GPC5: variants seen among roughly 807,000 people sequenced by gnomAD.
The protein encoded by GPC5 is glypican 5.
GPC5 carries 47 observed loss-of-function variants against 53.9 expected under a neutral mutation model. The ratio of observed to expected loss-of-function variants is 0.87; its 90% CI spans 0.69 to 1.11. The LOEUF (loss-of-function observed/expected upper bound fraction) is 1.11. Among genes scored for constraint, GPC5 ranks in the 50% most tolerant of loss-of-function variants. GPC5 has a pLI of 0.00. For synonymous variants in GPC5, 286 were observed against 263.3 expected, an observed-to-expected ratio of 1.09 and a Z score of -0.84; for missense variants, 748 against 713.1, an observed-to-expected ratio of 1.05 and a Z score of -0.56.
intron 7 of GPC5, among the ~76,000 whole-genome samples, chr13:92,470,960 G>A (rs966332173): frequency 6.6e-6 from 1 of 152,096 alleles, no homozygotes; most frequent in African/African-American, 2.4e-5. Context: ...AGGGAGACAG[G>A]TTTGGGAATG....
At chr13:91,421,264 T>A (rs1421781720) in intron 1 of GPC5, among the ~76,000 whole-genome samples, 1 of 152,154 alleles carries the variant, frequency 6.6e-6, no homozygotes, top group Non-Finnish European at 1.5e-5. Context: ...TCTCTAAAGG[T>A]TATAAAGAAC....
chr13:92,648,954 A>G (rs941986477), intron 7 of GPC5, among the ~76,000 whole-genome samples: 1 of 152,132 alleles, frequency 6.6e-6, no homozygotes, highest in Non-Finnish European at 1.5e-5. Context: ...AGAGGATATA[A>G]GTATGTATAA....
chr13:92,385,437 CATATAT>C (rs796970443), intron 7 of GPC5, among the ~76,000 whole-genome samples: 14 of 64,054 alleles, frequency 2.2e-4, no homozygotes, highest in South Asian at 1.7e-3. Context: ...TACATATATA[CATATAT>C]ACATATATAC....
chr13:91,652,775 T>G (rs979560910), intron 2 of GPC5, among the ~76,000 whole-genome samples: 3 of 152,202 alleles, frequency 2.0e-5, no homozygotes, highest in African/African-American at 7.2e-5. Context: ...CTACTATAGT[T>G]TGGTCAACTT....
At chr13:91,434,024 C>T (rs904399325) in intron 1 of GPC5, among the ~76,000 whole-genome samples, 24 of 152,180 alleles carry the variant, frequency 1.6e-4, no homozygotes, top group Non-Finnish European at 2.9e-4. Context: ...TGTTCATATC[C>T]TTTGCCCACT....
chr13:91,877,032 G>C (rs980518074), intron 5 of GPC5, among the ~76,000 whole-genome samples: 1 of 152,202 alleles, frequency 6.6e-6, no homozygotes, highest in Non-Finnish European at 1.5e-5. Context: ...GCAGCTTCCA[G>C]ATGTTGAGCC....
intron 7 of GPC5, among the ~76,000 whole-genome samples, chr13:92,372,463 TATG>T (rs2043658666): frequency 6.6e-6 from 1 of 152,236 alleles, no homozygotes; most frequent in Non-Finnish European, 1.5e-5. Flanking sequence ...ATACTCTTTT[TATG>T]ATATCAGTGA....
intron 7 of GPC5, among the ~76,000 whole-genome samples, chr13:92,860,361 T>C (rs548640725): frequency 6.2e-4 from 94 of 152,224 alleles, no homozygotes; most frequent in South Asian, 1.9e-3. Flanking sequence ...TCTTTAGCCA[T>C]ACAGTCACTC....
At chr13:91,565,742 C>T (rs2031498587) in intron 2 of GPC5, among the ~76,000 whole-genome samples, 1 of 152,162 alleles carries the variant, frequency 6.6e-6, no homozygotes, top group Non-Finnish European at 1.5e-5. Context: ...TTTCCTAGAA[C>T]TGCCATAACA....
At chr13:91,885,220 G>C (rs886808594) in intron 5 of GPC5, among the ~76,000 whole-genome samples, 2 of 151,976 alleles carry the variant, frequency 1.3e-5, no homozygotes, top group Admixed American at 1.3e-4. Flanking sequence ...CCGTCTCTTT[G>C]TATTTGGGTA....
intron 7 of GPC5, among the ~76,000 whole-genome samples, chr13:92,164,399 G>A (rs1434789086): frequency 2.0e-5 from 3 of 152,088 alleles, no homozygotes; most frequent in Non-Finnish European, 2.9e-5. Context: ...CAAAATGAAG[G>A]GGCTGCAGTT....
chr13:91,653,045 G>A (rs1308701525), intron 2 of GPC5, among the ~76,000 whole-genome samples: 10 of 152,226 alleles, frequency 6.6e-5, no homozygotes, highest in East Asian at 5.8e-4. Context: ...ATTTCTACTC[G>A]TTGTCTTGCA....
chr13:92,664,465 G>C (rs1397966572), intron 7 of GPC5, among the ~76,000 whole-genome samples: 1 of 150,610 alleles, frequency 6.6e-6, no homozygotes, highest in Non-Finnish European at 1.5e-5. Context: ...TATCCATGTT[G>C]ACAATACATT....
At chr13:92,162,704 G>T (rs2041998645) in intron 7 of GPC5, among the ~76,000 whole-genome samples, 2 of 152,192 alleles carry the variant, frequency 1.3e-5, no homozygotes, top group Admixed American at 1.3e-4. Flanking sequence ...GCCAACTCAT[G>T]TATTAAAACC....
chr13:92,161,878 T>C (rs1192335007), intron 7 of GPC5, among the ~76,000 whole-genome samples: 1 of 149,428 alleles, frequency 6.7e-6, no homozygotes, highest in African/African-American at 2.4e-5. Flanking sequence ...GTTCCTTTAA[T>C]TTCTTTATAA....
At chr13:92,724,875 T>TACACACACACACACACACAC (rs58824655) in intron 7 of GPC5, among the ~76,000 whole-genome samples, 41 of 137,746 alleles carry the variant, frequency 3.0e-4, no homozygotes, top group Middle Eastern at 3.7e-3. Flanking sequence ...GTCCTACACA[T>TACACACACACACACACACAC]ACACACACAC....
intron 7 of GPC5, among the ~76,000 whole-genome samples, chr13:92,622,472 T>C (rs1286139456): frequency 6.6e-6 from 1 of 152,190 alleles, no homozygotes; most frequent in Non-Finnish European, 1.5e-5. Flanking sequence ...TGTTCCCTAC[T>C]AGGACCTCGA....
At chr13:92,325,884 T>C (rs1683702177) in intron 7 of GPC5, among the ~76,000 whole-genome samples, 1 of 152,072 alleles carries the variant, frequency 6.6e-6, no homozygotes, top group African/African-American at 2.4e-5. Context: ...GGCCTCACTA[T>C]ACTTTTGGGA....
At chr13:92,052,439 C>T (rs1053619603) in intron 6 of GPC5, among the ~76,000 whole-genome samples, 4 of 152,260 alleles carry the variant, frequency 2.6e-5, no homozygotes, top group Admixed American at 1.3e-4. Context: ...GGAACCCGAG[C>T]GGGTTGCTGC....
Sources: allele counts gnomAD v4.1 joint callset (sites outside exome capture counted in the v4.1 genomes callset), GRCh38; gene constraint gnomAD v4.1.1; transcripts MANE v1.5; gene names NCBI Gene and HGNC (gene_info 2026-07-23, HGNC 2026-07-21).